CDH13: variants seen among roughly 807,000 people sequenced by gnomAD.
CDH13 encodes the protein cadherin 13, also known as cadherin-13.
A neutral mutation model predicts 63.8 loss-of-function variants in CDH13; 24 were observed. The observed-to-expected ratio is 0.38, with a 90% CI of 0.27 to 0.53. The LOEUF is 0.53. Among genes scored for constraint, CDH13 ranks in the 20% least tolerant of loss-of-function variants. The pLI is 0.85. For missense variants in CDH13, 1,049 were observed against 903.1 expected (o/e 1.16, Z -2.07); for synonymous variants, 503 against 355.3 (o/e 1.42, Z -4.67).
chr16:82,844,827 T>G (rs2039192260), intron 1 of CDH13: 2 of 150,884 alleles, frequency 1.3e-5, no homozygotes, highest in South Asian at 4.2e-4. Flanking sequence ...TATTTTTTTT[T>G]TGTATCTTTA....
intron 6 of CDH13, among the ~76,000 whole-genome samples, chr16:83,428,515 C>T (rs537712408): frequency 3.3e-5 from 5 of 152,020 alleles, no homozygotes; most frequent in Admixed American, 1.3e-4. Context: ...ATGGAGATAA[C>T]AATAACTTTT....
At chr16:82,760,915 C>A (rs547897373) in intron 1 of CDH13, among the ~76,000 whole-genome samples, 2 of 151,048 alleles carry the variant, frequency 1.3e-5, no homozygotes, top group African/African-American at 4.9e-5. Flanking sequence ...CACTCATGAT[C>A]GCAGGGTTGG....
intron 7 of CDH13, among the ~76,000 whole-genome samples, chr16:83,547,585 G>A (rs2075409080): frequency 6.6e-6 from 1 of 152,158 alleles, no homozygotes; most frequent in South Asian, 2.1e-4. Flanking sequence ...AGTTTGCTAA[G>A]GATAATGGCC....
intron 1 of CDH13, among the ~76,000 whole-genome samples, chr16:82,810,455 TTTG>T (rs757677567): frequency 5.3e-5 from 8 of 152,170 alleles, no homozygotes; most frequent in Non-Finnish European, 1.0e-4. Flanking sequence ...TAATTCTCAT[TTTG>T]AGAGGATCTC....
chr16:83,014,723 T>A (rs1914515351), intron 2 of CDH13, among the ~76,000 whole-genome samples: 1 of 105,570 alleles, frequency 9.5e-6, no homozygotes, highest in Non-Finnish European at 1.8e-5. Flanking sequence ...AGAGGGAGAC[T>A]CCATCTAAAA....
chr16:83,741,861 C>G (rs909297272), intron 10 of CDH13, among the ~76,000 whole-genome samples: 1 of 152,126 alleles, frequency 6.6e-6, no homozygotes, highest in Non-Finnish European at 1.5e-5. Context: ...GAGCACAAAT[C>G]CTATTGTGAA....
chr16:82,979,940 T>A (rs1474959692), intron 2 of CDH13, among the ~76,000 whole-genome samples: 2 of 152,200 alleles, frequency 1.3e-5, no homozygotes, highest in Non-Finnish European at 2.9e-5. Context: ...TGGGTCATGT[T>A]TAAGTAAGAT....
At chr16:82,739,438 C>T (rs1398346321) in intron 1 of CDH13, among the ~76,000 whole-genome samples, 1 of 152,064 alleles carries the variant, frequency 6.6e-6, no homozygotes, top group African/African-American at 2.4e-5. Flanking sequence ...TGAAATTTTC[C>T]TCATGAAATA....
chr16:83,154,745 A>T (rs2037136975), intron 4 of CDH13, among the ~76,000 whole-genome samples: 1 of 152,182 alleles, frequency 6.6e-6, no homozygotes, highest in Non-Finnish European at 1.5e-5. Flanking sequence ...AAGAACTAAC[A>T]TTATACTGTG....
At chr16:83,374,597 C>T (rs1384312597) in intron 6 of CDH13, among the ~76,000 whole-genome samples, 3 of 152,222 alleles carry the variant, frequency 2.0e-5, no homozygotes, top group Non-Finnish European at 2.9e-5. Flanking sequence ...CTCGTACCCA[C>T]TTCAGGATAT....
intron 3 of CDH13, among the ~76,000 whole-genome samples, chr16:83,049,783 GT>G (rs1200953428): frequency 2.0e-5 from 3 of 152,098 alleles, no homozygotes; most frequent in African/African-American, 7.2e-5. Context: ...TTTTTTGACT[GT>G]TATGAACAAC....
At chr16:82,713,213 C>T (rs906254949) in intron 1 of CDH13, among the ~76,000 whole-genome samples, 1 of 152,168 alleles carries the variant, frequency 6.6e-6, no homozygotes, top group Non-Finnish European at 1.5e-5. Context: ...CCTGCAGTTT[C>T]TCCAGCCTGG....
chr16:83,787,916 C>G (rs1915992913), intron 13 of CDH13, among the ~76,000 whole-genome samples: 2 of 152,220 alleles, frequency 1.3e-5, no homozygotes, highest in African/African-American at 4.8e-5. Context: ...GCACTCCAGC[C>G]TAAGCGACAG....
intron 8 of CDH13, among the ~76,000 whole-genome samples, chr16:83,658,614 A>G (rs1335226834): frequency 3.5e-5 from 5 of 141,144 alleles, no homozygotes; most frequent in African/African-American, 8.1e-5. Flanking sequence ...ACCAGGTCCC[A>G]TGTCCTCACC....
chr16:83,666,538 C>T (rs1020596807), intron 8 of CDH13, among the ~76,000 whole-genome samples: 1 of 152,212 alleles, frequency 6.6e-6, no homozygotes, highest in African/African-American at 2.4e-5. Context: ...AAATGCCTTC[C>T]CATGGCCCAC....
At chr16:83,273,557 C>A (rs1295787808) in intron 5 of CDH13, among the ~76,000 whole-genome samples, 1 of 152,116 alleles carries the variant, frequency 6.6e-6, no homozygotes, top group Non-Finnish European at 1.5e-5. Flanking sequence ...AGAACGAGAT[C>A]ATGTCCTTCA....
At chr16:83,630,524 G>A (rs1315754931) in intron 8 of CDH13, among the ~76,000 whole-genome samples, 2 of 152,204 alleles carry the variant, frequency 1.3e-5, no homozygotes, top group Non-Finnish European at 2.9e-5. Context: ...ACAGACAAAT[G>A]GTTGCATTCT....
intron 2 of CDH13, among the ~76,000 whole-genome samples, chr16:83,025,368 G>T (rs1915704389): frequency 6.6e-6 from 1 of 152,170 alleles, no homozygotes; most frequent in South Asian, 2.1e-4. Flanking sequence ...TCACAGTTCA[G>T]CATGGCTGGG....
intron 7 of CDH13, among the ~76,000 whole-genome samples, chr16:83,582,096 G>C (rs1905665014): frequency 6.6e-6 from 1 of 152,142 alleles, no homozygotes; most frequent in African/African-American, 2.4e-5. Context: ...CTGAACACAG[G>C]GTTGTCAGGG....
Sources: gnomAD v4.1 joint callset for allele counts (sites outside exome capture counted in the v4.1 genomes callset) on GRCh38, gnomAD v4.1.1 for gene constraint, MANE v1.5 for transcripts, NCBI Gene and HGNC (gene_info 2026-07-23, HGNC 2026-07-21) for gene names.